Variants in ADGRG6 observed in about 807,000 individuals in gnomAD.
ADGRG6 encodes adhesion G protein-coupled receptor G6.
In ADGRG6, 84 loss-of-function variants were observed where a neutral mutation model predicts 142.4. That is an observed-to-expected ratio of 0.59 (90% CI 0.49 to 0.71). The LOEUF (loss-of-function observed/expected upper bound fraction) is 0.71, where lower values mean the gene tolerates loss of function less well. ADGRG6 is among the 30% of genes least tolerant of loss of function. The pLI is 0.00. For synonymous variants in ADGRG6, 521 were observed against 520.5 expected, an observed-to-expected ratio of 1.00 and a Z score of -0.01; for missense variants, 1,367 against 1,466.6, an observed-to-expected ratio of 0.93 and a Z score of 1.11.
At chr6:142,417,553 T>C (rs545182501) in intron 21 of ADGRG6, among the ~76,000 whole-genome samples, 184 bp downstream of exon 21, 38 of 152,306 alleles carry the variant, frequency 2.5e-4, no homozygotes, top group Middle Eastern at 3.4e-3. Context: ...GAGACACTTT[T>C]TCATATTAAC....
chr6:142,392,825 C>G, intron 7 of ADGRG6, 123 bp from the exon 8 acceptor site: 1 of 661,104 alleles, frequency 1.5e-6, no homozygotes, highest in South Asian at 1.8e-5. Flanking sequence ...GTTCACTCCT[C>G]CAACTCTTCA....
At chr6:142,438,139 G>A in intron 23 of ADGRG6, 73 bp from the exon 24 acceptor site, 1 of 891,722 alleles carries the variant, frequency 1.1e-6, no homozygotes, top group Non-Finnish European at 1.7e-6. Flanking sequence ...AAATAATGCA[G>A]TGATGATTTT....
At chr6:142,305,121 C>T (rs765607991) in intron 1 of ADGRG6, among the ~76,000 whole-genome samples, 9 of 151,442 alleles carry the variant, frequency 5.9e-5, no homozygotes, top group Non-Finnish European at 1.3e-4. Context: ...TTGAACATGA[C>T]AATCCAAATA....
rs536403629 is a variant in ADGRG6 at position 142,324,559 on chromosome 6, A to C, written c.103+14915A>C. On this transcript the variant is annotated intron_variant, in intron 2 of 24. Transcript: ENST00000367609. ...CATGATCTGTCTCAAATGCCTCTTC[A>C]TGTAGGCAGCATTTAAAATAAGGAT... Among the ~76,000 whole-genome samples the C allele has an allele frequency of 2.6e-5, 4 of 152,230 alleles. No homozygotes were observed. In the South Asian group the frequency reaches 8.3e-4, roughly 32 times the overall value.
chr6:142,306,343 T>C (rs545256347), intron 1 of ADGRG6, among the ~76,000 whole-genome samples: 1 of 152,284 alleles, frequency 6.6e-6, no homozygotes, highest in East Asian at 1.9e-4. Context: ...ATTCTAAAGC[T>C]TCCGGAAACA....
chr6:142,428,722 G>A (rs1410319199), intron 22 of ADGRG6, among the ~76,000 whole-genome samples: 1 of 152,028 alleles, frequency 6.6e-6, no homozygotes, highest in African/African-American at 2.4e-5. Context: ...ACTATCACAA[G>A]AACAGCATGG....
intron 4 of ADGRG6, among the ~76,000 whole-genome samples, chr6:142,373,634 GCTCAAGTGATCCT>G (rs1328247818): frequency 2.0e-5 from 3 of 152,146 alleles, no homozygotes; most frequent in African/African-American, 4.8e-5. Context: ...GAACTTCTGG[GCTCAAGTGATCCT>G]CCTACTTCAG....
At chr6:142,424,948 G>A (rs1053056049) in intron 22 of ADGRG6, among the ~76,000 whole-genome samples, 6 of 152,160 alleles carry the variant, frequency 3.9e-5, no homozygotes, top group Non-Finnish European at 8.8e-5. Context: ...ATGGGAGTAA[G>A]AGTAGGAAGA....
chr6:142,344,514 ATT>A (rs913345227), intron 2 of ADGRG6, among the ~76,000 whole-genome samples: 10 of 152,098 alleles, frequency 6.6e-5, no homozygotes, highest in African/African-American at 1.7e-4. Context: ...GTGGATGAAC[ATT>A]TAAAGGCTTC....
chr6:142,342,769 T>A (rs1367687727), intron 2 of ADGRG6, among the ~76,000 whole-genome samples: 1 of 152,090 alleles, frequency 6.6e-6, no homozygotes, highest in Admixed American at 6.6e-5. Context: ...TTTGTAATCA[T>A]CTGGCATAAA....
intron 24 of ADGRG6, among the ~76,000 whole-genome samples, chr6:142,442,119 T>C (rs994399318): frequency 3.9e-5 from 6 of 152,176 alleles, no homozygotes; most frequent in African/African-American, 1.4e-4. Context: ...AAATGTTTTG[T>C]CACATACTGA....
At chr6:142,337,632 C>G (rs1246309534) in intron 2 of ADGRG6, among the ~76,000 whole-genome samples, 2 of 151,866 alleles carry the variant, frequency 1.3e-5, no homozygotes, top group African/African-American at 4.8e-5. Flanking sequence ...AGCTGCCTAC[C>G]CAAGGGAGGA....
intron 22 of ADGRG6, among the ~76,000 whole-genome samples, chr6:142,426,767 C>T (rs1364443790): frequency 1.3e-5 from 2 of 152,220 alleles, no homozygotes; most frequent in Admixed American, 6.5e-5. Flanking sequence ...CTTCTGAAAT[C>T]TAGGCGGAGG....
intron 10 of ADGRG6, among the ~76,000 whole-genome samples, chr6:142,398,390 A>T (rs1775313750): frequency 6.6e-6 from 1 of 152,146 alleles, no homozygotes; most frequent in Non-Finnish European, 1.5e-5. Context: ...ATGCCACTGC[A>T]CTCCAGCCTG....
At chr6:142,440,565 G>A (rs1470098958) in intron 24 of ADGRG6, among the ~76,000 whole-genome samples, 1 of 152,066 alleles carries the variant, frequency 6.6e-6, no homozygotes, top group African/African-American at 2.4e-5. Flanking sequence ...CAGAGTCCTG[G>A]GATTACAGAC....
chr6:142,413,818 G>A (rs545516929), intron 18 of ADGRG6, among the ~76,000 whole-genome samples: 2 of 151,814 alleles, frequency 1.3e-5, no homozygotes, highest in Non-Finnish European at 2.9e-5. Context: ...CCATCACTTC[G>A]TGCATGGCTT....
chr6:142,423,844 A>C (rs1232302945), intron 22 of ADGRG6, among the ~76,000 whole-genome samples: 88 of 143,612 alleles, frequency 6.1e-4, no homozygotes, highest in African/African-American at 2.1e-3. Context: ...CTTTGATTTC[A>C]TTGAGCAGTG....
At chr6:142,367,427 A>G (rs1416268444) in intron 2 of ADGRG6, 142 bp from the exon 3 acceptor site, 3 of 618,994 alleles carry the variant, frequency 4.8e-6, no homozygotes, top group African/African-American at 3.7e-5. Context: ...AGAGGGTTTC[A>G]TTTTCCATTT....
chr6:142,340,967 G>A (rs1056566037), intron 2 of ADGRG6, among the ~76,000 whole-genome samples: 12 of 152,024 alleles, frequency 7.9e-5, no homozygotes, highest in African/African-American at 2.9e-4. Flanking sequence ...GAAAATAATA[G>A]TCTCAAAATG....
Sources: gnomAD v4.1 joint callset for allele counts (sites outside exome capture counted in the v4.1 genomes callset) on GRCh38, gnomAD v4.1.1 for gene constraint, MANE v1.5 for transcripts, NCBI Gene and HGNC (gene_info 2026-07-23, HGNC 2026-07-21) for gene names.